Variants in MYO16 observed in about 807,000 individuals in gnomAD.
The protein encoded by MYO16 is myosin XVI.
A neutral mutation model predicts 205.3 loss-of-function variants in MYO16; 94 were observed. That is an observed-to-expected ratio of 0.46 (90% CI 0.39 to 0.54). The LOEUF is 0.54. Ranked by LOEUF, MYO16 falls within the 20% of genes least tolerant of loss-of-function variation. The pLI, the probability that MYO16 is intolerant of heterozygous loss-of-function variation, is 0.00. For missense variants in MYO16, 2,315 were observed against 2,387.5 expected, an observed-to-expected ratio of 0.97 and a Z score of 0.63; for synonymous variants, 988 against 954.0, an observed-to-expected ratio of 1.04 and a Z score of -0.66.
chr13:108,884,457 C>T (rs1172529474), intron 13 of MYO16, among the ~76,000 whole-genome samples: 2 of 152,108 alleles, frequency 1.3e-5, no homozygotes, highest in Admixed American at 6.5e-5. Context: ...TCCACCCATT[C>T]TAGACTCAAA....
chr13:108,934,850 G>A (rs1436247377), intron 16 of MYO16, among the ~76,000 whole-genome samples: 2 of 152,086 alleles, frequency 1.3e-5, no homozygotes, highest in East Asian at 1.9e-4. Context: ...TGGCTAGATA[G>A]CTATCCCCAC....
chr13:108,772,491 C>G lies in MYO16; in HGVS notation c.508-13144C>G, dbSNP rs975138516. Reference sequence around the variant, plus strand: ...CACAAGCATTTGGTGCATCAGTGTTCTACGTTTTGGCCATGTTAATAGGTA... The same window carrying G: ...CACAAGCATTTGGTGCATCAGTGTTGTACGTTTTGGCCATGTTAATAGGTA... On this transcript the variant is annotated intron_variant, in intron 4 of 34. Coordinates refer to ENST00000457511, the MANE Select transcript of MYO16 (RefSeq NM_001198950.3). Among the ~76,000 whole-genome samples, 17 of 152,152 alleles carry G rather than the reference C, an allele frequency of 1.1e-4. No homozygotes were observed. The South Asian group carries it at 2.9e-3, about 26-fold the overall frequency.
chr13:108,608,197 C>T (rs1168537387), intron 1 of MYO16, among the ~76,000 whole-genome samples: 2 of 152,156 alleles, frequency 1.3e-5, no homozygotes, highest in Non-Finnish European at 2.9e-5. Context: ...AGGCCTAGGG[C>T]GGCATCTAAA....
chr13:108,932,538 C>G (rs2139294255), intron 16 of MYO16, among the ~76,000 whole-genome samples: 1 of 152,290 alleles, frequency 6.6e-6, no homozygotes, highest in African/African-American at 2.4e-5. Flanking sequence ...TCATTAAATT[C>G]CTTCATTAAA....
intron 2 of MYO16, among the ~76,000 whole-genome samples, chr13:108,708,178 T>C (rs1228018517): frequency 6.6e-6 from 1 of 152,232 alleles, no homozygotes; most frequent in African/African-American, 2.4e-5. Context: ...GGAAAGGAAA[T>C]CTGTATTTCA....
intron 16 of MYO16, among the ~76,000 whole-genome samples, chr13:108,910,461 C>A (rs1427185773): frequency 6.6e-6 from 1 of 152,154 alleles, no homozygotes; most frequent in Non-Finnish European, 1.5e-5. Flanking sequence ...TAATCCATGG[C>A]CCTGTTTTGA....
chr13:108,778,617 T>TA (rs36047920), intron 4 of MYO16, among the ~76,000 whole-genome samples: 50,641 of 151,222 alleles, frequency 0.33, 9,736 homozygotes, highest in East Asian at 0.63. Flanking sequence ...AGACTCCATC[T>TA]AAAAAAATAT....
chr13:108,793,492 T>C (rs763718708), intron 5 of MYO16, 24 bp from the exon 6 acceptor site: 2 of 1,610,552 alleles, frequency 1.2e-6, no homozygotes, highest in Admixed American at 3.3e-5. Context: ...TCCATTCTGG[T>C]TGAAAGGCTC....
chr13:108,567,338 G>A, the MYO16 span, among the ~76,000 whole-genome samples: 6 of 152,162 alleles, frequency 3.9e-5, no homozygotes, highest in African/African-American at 1.4e-4. Context: ...TTGGAGCACA[G>A]ACCCTTGGAG....
intron 28 of MYO16, among the ~76,000 whole-genome samples, chr13:109,114,957 T>C (rs772156858): frequency 1.3e-5 from 2 of 152,170 alleles, no homozygotes; most frequent in Non-Finnish European, 2.9e-5. Context: ...ACTACCAATA[T>C]GTAAGAAGAG....
At position 109,194,225 on chromosome 13, in the gene MYO16, A is replaced by G. The variant is rs550960822; in HGVS notation, c.5416-12384A>G. Among the ~76,000 whole-genome samples the G allele has an allele frequency of 1.2e-4, 19 of 152,290 alleles. 1 individual carries two copies. Among genetic ancestry groups the G allele is most frequent in the South Asian group, 1.2e-3 (6 of 4,824 alleles). On this transcript the variant is annotated intron_variant, in intron 34 of 34. Transcript: ENST00000457511. ...GGCTTAGTCCTATAGAACCCACCAC[A>G]GTTCCTTGCATTTTCATAAACATAT...
At position 108,798,802 on chromosome 13, in the gene MYO16, T is replaced by G. The variant is rs1253882541; in HGVS notation, c.741+5162T>G. Among the ~76,000 whole-genome samples, 3 of 139,792 alleles carry G rather than the reference T, an allele frequency of 2.1e-5. No individual in the cohort carries two copies. In the East Asian group the frequency reaches 6.6e-4, roughly 31 times the overall value. The allele number at this position is 139,792 out of a possible 152,430, so 91.7% of individuals were successfully genotyped here. ...CTCACTGCAAGCTCCGCCTCCCGGG[T>G]TCACGCCATTCTCCTGCCTCAGCCT... On this transcript the variant is annotated intron_variant, in intron 6 of 34. Coordinates refer to ENST00000457511, the MANE Select transcript of MYO16 (RefSeq NM_001198950.3).
chr13:108,790,398 T>C (rs1886582583), intron 5 of MYO16, among the ~76,000 whole-genome samples: 1 of 152,218 alleles, frequency 6.6e-6, no homozygotes, highest in Non-Finnish European at 1.5e-5. Flanking sequence ...GGATTTCAGG[T>C]AAATTATTTT....
intron 4 of MYO16, among the ~76,000 whole-genome samples, chr13:108,732,246 C>T (rs1040927896): frequency 3.3e-5 from 5 of 152,098 alleles, no homozygotes; most frequent in East Asian, 3.8e-4. Flanking sequence ...CTGTGGTAGC[C>T]GTCTGTGTGT....
chr13:108,618,970 G>T (rs185145563), intron 1 of MYO16, among the ~76,000 whole-genome samples: 43 of 151,898 alleles, frequency 2.8e-4, no homozygotes, highest in African/African-American at 9.2e-4. Flanking sequence ...GTTCTAGAAA[G>T]TTCCCTAGAG....
At position 109,127,419 on chromosome 13, in the gene MYO16, A is replaced by ACAG. The variant is rs1430862289; in HGVS notation, c.3928_3930dup (p.Ser1310dup). On this transcript the variant is annotated inframe_insertion, in exon 31 of 35. Coordinates refer to ENST00000457511, the MANE Select transcript of MYO16 (RefSeq NM_001198950.3). This position sits in a 1 kb window ranked among gnomAD's most constrained non-coding sequence, Gnocchi z 4.2. ...CTGCACTCGGTGTTCAGCATGGATG[A>ACAG]CAGCAGCAGCCTCCCGTCTCCACGG... 1 of 1,614,084 alleles carries ACAG rather than the reference A, an allele frequency of 6.2e-7. No individual in the cohort carries two copies. The highest frequency in any genetic ancestry group is 8.5e-7 in the Non-Finnish European group (1 of 1,180,016).
chr13:108,898,116 A>G lies in MYO16; in HGVS notation c.1760A>G (p.Lys587Arg), dbSNP rs1880518359. Residue 587 changes from lysine to arginine, a missense_variant, in exon 15 of 35, where the codon AAA (lysine) becomes AGA (arginine). By Grantham distance (26) the Lys-to-Arg change is conservative. Transcript: ENST00000457511. The stretch of plus-strand genomic sequence containing the variant: ...TTTGAACTGCAGTTCTGTGAGAGGA[A>G]ACAACAGCTAACCGGAGGTAAGTGC... ...KYFELQFCERKQQLTGARIYT... is the reference protein window; with the variant it reads ...KYFELQFCERRQQLTGARIYT... The G allele has an allele frequency of 1.9e-6, 3 of 1,610,808 alleles. No homozygotes were observed. Among genetic ancestry groups the G allele is most frequent in the Non-Finnish European group, 2.5e-6 (3 of 1,176,988 alleles).
chr13:108,634,220 A>G (rs1368049474), intron 1 of MYO16, among the ~76,000 whole-genome samples: 1 of 151,974 alleles, frequency 6.6e-6, no homozygotes, highest in African/African-American at 2.4e-5. Context: ...TCTAACTCCA[A>G]TCTCCCAGGC....
chr13:108,644,362 G>GTCTGTCTGTCTATCTA (rs1162945930), intron 1 of MYO16, among the ~76,000 whole-genome samples: 1 of 148,118 alleles, frequency 6.8e-6, no homozygotes, highest in South Asian at 2.2e-4. Flanking sequence ...CTGTCTGTCT[G>GTCTGTCTGTCTATCTA]TCTATCTATC....
Sources: allele counts gnomAD v4.1 joint callset (sites outside exome capture counted in the v4.1 genomes callset), GRCh38; gene constraint gnomAD v4.1.1; non-coding constraint Gnocchi (gnomAD v3.1); transcripts MANE v1.5; gene names NCBI Gene and HGNC (gene_info 2026-07-23, HGNC 2026-07-21).